GNPNAT1: variants seen among roughly 807,000 people sequenced by gnomAD.
GNPNAT1 encodes the protein glucosamine-phosphate N-acetyltransferase 1, also known as glucosamine 6-phosphate N-acetyltransferase.
Under a neutral mutation model 19.8 loss-of-function variants are expected in GNPNAT1, and 11 were observed. The ratio of observed to expected loss-of-function variants is 0.56; its 90% CI spans 0.35 to 0.92. The LOEUF is 0.92. Among genes scored for constraint, GNPNAT1 ranks in the 40% least tolerant of loss-of-function variants. GNPNAT1 has a pLI of 0.01. For synonymous variants in GNPNAT1, 71 were observed against 72.3 expected (o/e 0.98, Z 0.09); for missense variants, 157 against 211.0 (o/e 0.74, Z 1.59).
At chr14:52,783,569 C>T (rs571362349) in intron 2 of GNPNAT1, 84 bp from the exon 3 acceptor site, 2 of 819,638 alleles carry the variant, frequency 2.4e-6, no homozygotes, top group South Asian at 3.0e-5. Context: ...AGCAGGTGGG[C>T]TTACAGGCAA....
chr14:52,790,628 A>C (rs1415668712), intron 1 of GNPNAT1, among the ~76,000 whole-genome samples: 2 of 152,174 alleles, frequency 1.3e-5, no homozygotes, highest in South Asian at 4.1e-4. Flanking sequence ...TCGTTTTCGC[A>C]TCTTGAGCTC....
At position 52,791,205 on chromosome 14, in the gene GNPNAT1, TA is replaced by T. The variant is rs1168631021; in HGVS notation, c.-15+222del. ...TGGCCGGACCGCTGGCCATCATCCT[TA>T]ACCTCTGCTCCAGGCGCGCGTGCGT... On this transcript the variant is annotated intron_variant, in intron 1 of 5. Coordinates refer to ENST00000216410, the MANE Select transcript of GNPNAT1 (RefSeq NM_198066.4). This position sits in a 1 kb window ranked among gnomAD's most constrained non-coding sequence, Gnocchi z 4.1. Among the ~76,000 whole-genome samples the T allele has an allele frequency of 2.0e-5, 3 of 152,096 alleles. No individual in the cohort carries two copies. Among genetic ancestry groups the T allele is most frequent in the Admixed American group, 1.3e-4 (2 of 15,276 alleles).
chr14:52,779,544 A>G (rs77922559), intron 5 of GNPNAT1, among the ~76,000 whole-genome samples: 3,551 of 152,014 alleles, frequency 0.023, 148 homozygotes, highest in African/African-American at 0.082. Context: ...CCAAAGCAAC[A>G]TAGCAAAACC....
chr14:52,776,986 AG>A lies in GNPNAT1; in HGVS notation c.*1324del, dbSNP rs1287317184. 2 of 152,260 alleles carry A rather than the reference AG, an allele frequency of 1.3e-5. No individual in the cohort carries two copies. The highest frequency in any genetic ancestry group is 2.9e-5 in the Non-Finnish European group (2 of 68,050). 9.4% of individuals were successfully genotyped at this position (152,260 alleles called of 1,614,324 possible). ...TGTTGCGTTTCACGAAGGACAGATC[AG>A]TTCGTCTGTATAGGCTATAAGCAGG... On this transcript the variant is annotated 3_prime_UTR_variant, in exon 6 of 6. Transcript: ENST00000216410.
chr14:52,778,362 A>C lies in GNPNAT1; in HGVS notation c.504T>G (p.Phe168Leu), dbSNP rs1882791146. The C allele has an allele frequency of 6.2e-7, 1 of 1,606,396 alleles. No homozygotes were observed. The highest frequency in any genetic ancestry group is 1.7e-5 in the Admixed American group (1 of 58,066). Reference sequence around the variant, plus strand: ...AGTTTTCTTCAGATACAGTATATCCAAACTTTTTATAGAAACCAACATTTT... The same window carrying C: ...AGTTTTCTTCAGATACAGTATATCCCAACTTTTTATAGAAACCAACATTTT... ...LPQNVGFYKK[F>L]GYTVSEENYM... The change falls in exon 6 of 6, where the codon TTT (phenylalanine) becomes TTG (leucine). Residue 168 changes from phenylalanine to leucine, a missense_variant. By Grantham distance (22) the Phe-to-Leu change is conservative. Coordinates refer to ENST00000216410, the MANE Select transcript of GNPNAT1 (RefSeq NM_198066.4).
At chr14:52,789,082 A>G (rs370946114) in intron 1 of GNPNAT1, among the ~76,000 whole-genome samples, 1 of 152,226 alleles carries the variant, frequency 6.6e-6, no homozygotes, top group Non-Finnish European at 1.5e-5. Flanking sequence ...GCTCAAGGTT[A>G]GAGTGCCAAT....
rs1491005435 is a variant in GNPNAT1 at position 52,778,472 on chromosome 14, A to AG, written c.408-15dup. The AG allele has an allele frequency of 6.3e-7, 1 of 1,597,528 alleles. No homozygotes were observed. The highest frequency in any genetic ancestry group is 1.4e-5 in the African/African-American group (1 of 73,946). On this transcript the variant is annotated splice_polypyrimidine_tract_variant and intron_variant, in intron 5 of 5. Coordinates refer to ENST00000216410, the MANE Select transcript of GNPNAT1 (RefSeq NM_198066.4). Reference sequence around the variant, plus strand: ...GTTGATAATAACCTGAAATTTAAAAAGGGGGTAGGGTGAGGAGATAGCATT... The same window carrying AG: ...GTTGATAATAACCTGAAATTTAAAAAGGGGGGTAGGGTGAGGAGATAGCATT...
At chr14:52,781,350 A>C (rs1882890947) in intron 4 of GNPNAT1, among the ~76,000 whole-genome samples, 1 of 152,128 alleles carries the variant, frequency 6.6e-6, no homozygotes, top group East Asian at 1.9e-4. Context: ...TCATTGAATT[A>C]AGGTTTTCTC....
intron 4 of GNPNAT1, 120 bp from the exon 5 acceptor site, chr14:52,780,860 T>A: frequency 1.1e-5 from 7 of 613,370 alleles, no homozygotes; most frequent in Admixed American, 5.5e-5. Context: ...TTAACAGAAA[T>A]CAAATGCAAA....
chr14:52,781,611 G>A, intron 4 of GNPNAT1, 173 bp downstream of exon 4: 1 of 479,078 alleles, frequency 2.1e-6, no homozygotes, highest in Non-Finnish European at 3.5e-6. Flanking sequence ...AACAATTTTA[G>A]CATACAATTC....
At chr14:52,780,864 A>G in intron 4 of GNPNAT1, 124 bp from the exon 5 acceptor site, 2 of 604,434 alleles carry the variant, frequency 3.3e-6, no homozygotes, top group Non-Finnish European at 5.9e-6. Context: ...CAGAAATCAA[A>G]TGCAAAAAAT....
At position 52,776,748 on chromosome 14, in the gene GNPNAT1, G is replaced by C. The variant is rs974842218; in HGVS notation, c.*1563C>G. 6.6e-6 allele frequency: 1 copy of C among 152,002 alleles called. No individual in the cohort carries two copies. Among genetic ancestry groups the C allele is most frequent in the Non-Finnish European group, 1.5e-5 (1 of 68,018 alleles). The allele number at this position is 152,002 out of a possible 1,614,324, so 9.4% of individuals were successfully genotyped here. ...TTTTTCTTTTTTTTAGTAGAGACAGGGTTTCACCATTTTGGTCAGGCTGGT... is the reference window on the plus strand; with the variant it reads ...TTTTTCTTTTTTTTAGTAGAGACAGCGTTTCACCATTTTGGTCAGGCTGGT... On this transcript the variant is annotated 3_prime_UTR_variant, in exon 6 of 6. Coordinates refer to ENST00000216410, the MANE Select transcript of GNPNAT1 (RefSeq NM_198066.4).
At position 52,780,691 on chromosome 14, in the gene GNPNAT1, T is replaced by C. The variant is rs1882873440; in HGVS notation, c.395A>G (p.Gln132Arg). 6.2e-7 allele frequency: 1 copy of C among 1,606,736 alleles called. No individual in the cohort carries two copies. Among genetic ancestry groups the C allele is most frequent in the Non-Finnish European group, 8.5e-7 (1 of 1,173,944 alleles). Residue 132 changes from glutamine (Q) to arginine (R), a missense_variant, in exon 5 of 6, where the codon CAG becomes CGG. By Grantham distance (43) the Gln-to-Arg change is conservative. Transcript: ENST00000216410. ...VVVSDECRGK[Q>R]LGKLLLSTLT... ...TCTGCCTACTTACAATTTGCCAAGC[T>C]GCTTTCCTCTGCATTCATCACTAAC... is the stretch of plus-strand genomic sequence containing the variant.
rs997635254 is a variant in GNPNAT1, at chr14:52,780,889, G to T, written c.346-149C>A. 116 of 538,228 alleles carry T rather than the reference G, an allele frequency of 2.2e-4. 1 individual carries two copies. The Middle Eastern group carries it at 2.9e-3, about 13-fold the overall frequency. The allele number at this position is 538,228 out of a possible 1,614,324, so 33.3% of individuals were successfully genotyped here. On this transcript the variant is annotated intron_variant, in intron 4 of 5. Coordinates refer to ENST00000216410, the MANE Select transcript of GNPNAT1 (RefSeq NM_198066.4). ...ATGCAAAAAATATTATACAGTGAAG[G>T]CTGTTTCAGTATGTATTTCTACAAC... is the stretch of plus-strand genomic sequence containing the variant.
At chr14:52,779,296 C>T (rs1285123740) in intron 5 of GNPNAT1, among the ~76,000 whole-genome samples, 1 of 152,112 alleles carries the variant, frequency 6.6e-6, no homozygotes, top group African/African-American at 2.4e-5. Context: ...TACAAAATTT[C>T]TTAATGAATC....
intron 1 of GNPNAT1, chr14:52,787,925 C>CT (rs1282151660): frequency 6.6e-6 from 1 of 151,848 alleles, no homozygotes; most frequent in Non-Finnish European, 1.5e-5. Flanking sequence ...AGTTAGCATT[C>CT]TTGGGTAGAA....
intron 1 of GNPNAT1, among the ~76,000 whole-genome samples, chr14:52,785,208 G>A (rs914265526): frequency 6.6e-6 from 1 of 151,754 alleles, no homozygotes; most frequent in South Asian, 2.1e-4. Flanking sequence ...GATTACAGGC[G>A]TGAGCCACTG....
intron 1 of GNPNAT1, among the ~76,000 whole-genome samples, chr14:52,786,331 CCT>C (rs1431489624): frequency 2.0e-5 from 3 of 151,498 alleles, no homozygotes; most frequent in African/African-American, 7.3e-5. Context: ...ATGGCGAAAC[CCT>C]GTCTCTACTA....
At chr14:52,782,437 T>A (rs1338250885) in intron 3 of GNPNAT1, among the ~76,000 whole-genome samples, 1 of 152,136 alleles carries the variant, frequency 6.6e-6, no homozygotes, top group Non-Finnish European at 1.5e-5. Flanking sequence ...TTGTTTGCTT[T>A]GAGAGCACCT....
Sources: gnomAD v4.1 joint callset for allele counts (sites outside exome capture counted in the v4.1 genomes callset) on GRCh38, gnomAD v4.1.1 for gene constraint, Gnocchi (gnomAD v3.1) non-coding constraint, MANE v1.5 for transcripts, NCBI Gene and HGNC (gene_info 2026-07-23, HGNC 2026-07-21) for gene names.